Variants in DLGAP2 observed in about 807,000 individuals in gnomAD.
DLGAP2 encodes the protein DLG associated protein 2, also known as disks large-associated protein 2.
In DLGAP2, 26 loss-of-function variants were observed where a neutral mutation model predicts 100.3. The observed-to-expected ratio is 0.26, with a 90% CI of 0.19 to 0.36. The LOEUF is 0.36. DLGAP2 is among the 10% of genes least tolerant of loss of function. DLGAP2 has a pLI of 1.00. For missense variants in DLGAP2, 1,858 were observed against 1,453.2 expected, an observed-to-expected ratio of 1.28 and a Z score of -4.53; for synonymous variants, 886 against 630.1, an observed-to-expected ratio of 1.41 and a Z score of -6.08.
At chr8:911,840 A>G (rs986892120) in intron 2 of DLGAP2, among the ~76,000 whole-genome samples, 2 of 152,248 alleles carry the variant, frequency 1.3e-5, no homozygotes, top group Non-Finnish European at 2.9e-5. Context: ...GCCACCTTCC[A>G]TTGAATCCAC....
chr8:1,341,952 G>C (rs61061572), intron 3 of DLGAP2, among the ~76,000 whole-genome samples: 1,814 of 152,204 alleles, frequency 0.012, 47 homozygotes, highest in African/African-American at 0.042. Context: ...GATTTGTTTT[G>C]CTTTGTTTTA....
At chr8:1,603,086 T>A (rs1180621628) in intron 6 of DLGAP2, among the ~76,000 whole-genome samples, 1 of 152,052 alleles carries the variant, frequency 6.6e-6, no homozygotes, top group African/African-American at 2.4e-5. Flanking sequence ...TGGGTCTCAG[T>A]TCTGCAGAGG....
intron 2 of DLGAP2, among the ~76,000 whole-genome samples, chr8:1,005,803 A>G (rs1801092290): frequency 6.6e-6 from 1 of 152,058 alleles, no homozygotes; most frequent in South Asian, 2.1e-4. Context: ...ACTTGTATTG[A>G]GTGTCCCTGT....
chr8:810,099 C>T (rs980092829), intron 1 of DLGAP2, among the ~76,000 whole-genome samples: 24 of 152,232 alleles, frequency 1.6e-4, no homozygotes, highest in African/African-American at 5.5e-4. Context: ...TTTCTAACTA[C>T]TGTTCATGAC....
rs538081236 is a variant in DLGAP2 at position 1,118,967 on chromosome 8, A to G, written c.74-139884A>G. On this transcript the variant is annotated intron_variant, in intron 2 of 14. Coordinates refer to ENST00000637795, the MANE Select transcript of DLGAP2 (RefSeq NM_001346810.2). Reference sequence around the variant, plus strand: ...TAGAATAATTTATCGTTTGATGTTCAATATCATTTTATTTAAGCATAACTG... The same window carrying G: ...TAGAATAATTTATCGTTTGATGTTCGATATCATTTTATTTAAGCATAACTG... Among the ~76,000 whole-genome samples, 49 of 152,362 alleles carry G rather than the reference A, an allele frequency of 3.2e-4. 1 individual carries two copies. The highest frequency in any genetic ancestry group is 1.7e-3 in the South Asian group (8 of 4,828).
intron 2 of DLGAP2, among the ~76,000 whole-genome samples, chr8:1,254,854 C>T (rs1364779598): frequency 2.9e-5 from 3 of 104,192 alleles, no homozygotes; most frequent in African/African-American, 1.2e-4. Flanking sequence ...GTGGGCCTCA[C>T]TCCCTGGCCC....
intron 3 of DLGAP2, among the ~76,000 whole-genome samples, chr8:1,309,938 C>A (rs1233386049): frequency 6.6e-6 from 1 of 151,386 alleles, no homozygotes; most frequent in Non-Finnish European, 1.5e-5. Flanking sequence ...TTACTAAAAA[C>A]ACAAAAATTA....
intron 2 of DLGAP2, among the ~76,000 whole-genome samples, chr8:1,118,927 A>G (rs1795965381): frequency 6.6e-6 from 1 of 152,260 alleles, no homozygotes; most frequent in Non-Finnish European, 1.5e-5. Context: ...TGTGAGACAT[A>G]GCATTATGCT....
At chr8:1,506,581 T>A (rs953398117) in intron 4 of DLGAP2, among the ~76,000 whole-genome samples, 1 of 152,158 alleles carries the variant, frequency 6.6e-6, no homozygotes, top group Admixed American at 6.6e-5. Context: ...AAATTAAGCA[T>A]CCACACTGCC....
At chr8:980,451 G>A (rs10099591) in intron 2 of DLGAP2, among the ~76,000 whole-genome samples, 62,360 of 152,056 alleles carry the variant, frequency 0.41, 13,420 homozygotes, top group Admixed American at 0.55. Context: ...CCACAATTGA[G>A]CCAAGTTTCC....
At chr8:1,546,940 C>T (rs953066538) in intron 4 of DLGAP2, among the ~76,000 whole-genome samples, 5 of 152,116 alleles carry the variant, frequency 3.3e-5, no homozygotes, top group Non-Finnish European at 1.5e-5. Context: ...CCTGAGGAGA[C>T]GGCCACGCTC....
intron 2 of DLGAP2, among the ~76,000 whole-genome samples, chr8:1,098,191 G>A (rs1026712418): frequency 6.6e-6 from 1 of 152,202 alleles, no homozygotes; most frequent in African/African-American, 2.4e-5. Flanking sequence ...ACTGAGTCCC[G>A]GCGTCCTCTG....
intron 3 of DLGAP2, among the ~76,000 whole-genome samples, chr8:1,410,793 C>T (rs898055433): frequency 6.6e-6 from 1 of 151,632 alleles, no homozygotes; most frequent in Non-Finnish European, 1.5e-5. Context: ...ATTATGGCCA[C>T]CTTTCCCTGT....
At chr8:1,391,659 A>T (rs939368160) in intron 3 of DLGAP2, among the ~76,000 whole-genome samples, 4 of 152,204 alleles carry the variant, frequency 2.6e-5, no homozygotes, top group African/African-American at 9.7e-5. Context: ...ATGGGTTCAT[A>T]AAAGGTTTAG....
chr8:935,495 T>C (rs1442024389), intron 2 of DLGAP2, among the ~76,000 whole-genome samples: 1 of 152,258 alleles, frequency 6.6e-6, no homozygotes, highest in Non-Finnish European at 1.5e-5. Flanking sequence ...AAATAAACTA[T>C]ATTAAAATTA....
chr8:1,553,237 C>T (rs1298464118), intron 5 of DLGAP2, among the ~76,000 whole-genome samples: 1 of 152,140 alleles, frequency 6.6e-6, no homozygotes, highest in African/African-American at 2.4e-5. Flanking sequence ...CTCCCAGTCT[C>T]CCACCGCGTC....
intron 3 of DLGAP2, among the ~76,000 whole-genome samples, chr8:1,441,795 T>A (rs1033442292): frequency 1.6e-4 from 24 of 151,686 alleles, no homozygotes; most frequent in African/African-American, 4.9e-4. Flanking sequence ...GTTTTTTTTT[T>A]TTTATTTAAT....
chr8:1,187,912 A>C (rs1392451607), intron 2 of DLGAP2, among the ~76,000 whole-genome samples: 2 of 55,382 alleles, frequency 3.6e-5, no homozygotes, highest in South Asian at 6.5e-4. Flanking sequence ...CCTCCGTGAC[A>C]TTTGCCTCAC....
chr8:1,272,147 A>T (rs571891510), intron 3 of DLGAP2, among the ~76,000 whole-genome samples: 1 of 152,234 alleles, frequency 6.6e-6, no homozygotes, highest in African/African-American at 2.4e-5. Context: ...CGTTTTCTCA[A>T]ATAAAAAATA....
Sources: gnomAD v4.1 joint callset for allele counts (sites outside exome capture counted in the v4.1 genomes callset) on GRCh38, gnomAD v4.1.1 for gene constraint, MANE v1.5 for transcripts, NCBI Gene and HGNC (gene_info 2026-07-23, HGNC 2026-07-21) for gene names.